The following SQLE variants were observed in gnomAD, a reference collection of about 807,000 sequenced individuals.
SQLE encodes squalene monooxygenase.
A neutral mutation model predicts 60.7 loss-of-function variants in SQLE; 29 were observed. The observed-to-expected ratio is 0.48, with a 90% CI of 0.36 to 0.65. SQLE has a LOEUF of 0.65. Among genes scored for constraint, SQLE ranks in the 30% least tolerant of loss-of-function variants. SQLE has a pLI of 0.00. For synonymous variants in SQLE, 237 were observed against 246.8 expected, an observed-to-expected ratio of 0.96 and a Z score of 0.37; for missense variants, 605 against 684.1, an observed-to-expected ratio of 0.88 and a Z score of 1.29.
In SQLE at chr8:124,998,976, C is replaced by T. The variant is rs192325996; in HGVS notation, c.-428C>T. ...CGAGGTGTTTCTGTGACCCTCCCTC[C>T]ACTCCCATTCCCTTCTGAAAGGGCA... On this transcript the variant is annotated 5_prime_UTR_variant, in exon 1 of 11. Coordinates refer to ENST00000265896, the MANE Select transcript of SQLE (RefSeq NM_003129.4). The T allele has an allele frequency of 9.8e-6, 3 of 305,598 alleles. No homozygotes were observed. In the Admixed American group the frequency reaches 1.5e-4, roughly 15 times the overall value. 18.9% of individuals were successfully genotyped at this position (305,598 alleles called of 1,614,324 possible). A position where few individuals can be genotyped will look rare whatever the true frequency, so the allele number is the denominator to read the frequency against.
Position 125,016,026 on chromosome 8 carries a change from A to G in SQLE, c.1205-2033A>G, listed in dbSNP as rs1014447901. On this transcript the variant is annotated intron_variant, in intron 7 of 10. Transcript: ENST00000265896. This position sits in a 1 kb window ranked among gnomAD's most constrained non-coding sequence, Gnocchi z 4.1. ...TCTTGTTGCTCTTAGGATCTTTTCT[A>G]TATCCTTGACCTTTGGGAGTTTGAT... 2.8e-4 allele frequency among the ~76,000 whole-genome samples: 43 copies of G among 152,118 alleles called. No individual in the cohort carries two copies. The highest frequency in any genetic ancestry group is 1.0e-3 in the African/African-American group (42 of 41,498).
chr8:125,018,175 C>G lies in SQLE; in HGVS notation c.1321C>G (p.Leu441Val). 5 of 1,606,516 alleles carry G rather than the reference C, an allele frequency of 3.1e-6. No individual in the cohort carries two copies. Among genetic ancestry groups the G allele is most frequent in the Non-Finnish European group, 4.2e-6 (5 of 1,178,210 alleles). The change falls in exon 8 of 11, where the codon CTT becomes GTT. Residue 441 changes from leucine to valine, a missense_variant. Leu to Val is a conservative substitution (Grantham distance 32). Transcript: ENST00000265896. ...WRKLLKGIPDLYDDAAIFEAK... is the reference protein window; with the variant it reads ...WRKLLKGIPDVYDDAAIFEAK... Reference sequence around the variant, plus strand: ...AAAACTGCTAAAGGGTATCCCTGACCTTTATGATGATGCAGCTATTTTCGA... The same window carrying G: ...AAAACTGCTAAAGGGTATCCCTGACGTTTATGATGATGCAGCTATTTTCGA...
In SQLE at chr8:125,021,561, C is replaced by G. The variant is rs1815205586; in HGVS notation, c.1533-192C>G. Among the ~76,000 whole-genome samples the G allele has an allele frequency of 2.7e-5, 4 of 149,928 alleles. No homozygotes were observed. In the South Asian group the frequency reaches 8.5e-4, roughly 32 times the overall value. Reference sequence around the variant, plus strand: ...AAAAAAGGGGGGTGGGGGGTTTGCTCCTGCCATCAAACTTAACATGCAGAC... The same window carrying G: ...AAAAAAGGGGGGTGGGGGGTTTGCTGCTGCCATCAAACTTAACATGCAGAC... On this transcript the variant is annotated intron_variant, in intron 10 of 10. Transcript: ENST00000265896.
chr8:125,020,672 T>C, intron 9 of SQLE, 112 bp from the exon 10 acceptor site: 1 of 675,998 alleles, frequency 1.5e-6, no homozygotes, highest in East Asian at 2.8e-5. Context: ...ACTAGATATT[T>C]AAAAATTATC....
rs1333928507 is a variant in SQLE at position 125,009,046 on chromosome 8, G to T, written c.898G>T (p.Val300Phe). 1.2e-6 allele frequency: 2 copies of T among 1,603,122 alleles called. No individual in the cohort carries two copies. The highest frequency in any genetic ancestry group is 1.1e-5 in the South Asian group (1 of 88,020). The change falls in exon 5 of 11, where the codon GTT becomes TTT. Residue 300 changes from valine to phenylalanine, a missense_variant. Val to Phe is a conservative substitution (Grantham distance 50, BLOSUM62 -1). Transcript: ENST00000265896. ...KFRKSLVSNK[V>F]SVSSHFVGFL... ...CAGGAAAAGCCTGGTCTCCAATAAA[G>T]TTTCTGTATCATCTCATTTTGTTGG...
In SQLE at chr8:125,009,092, A is replaced by AGG; in HGVS notation, c.936+9_936+10dup. 1 of 1,585,018 alleles carries AGG rather than the reference A, an allele frequency of 6.3e-7. No individual in the cohort carries two copies. The highest frequency in any genetic ancestry group is 1.2e-5 in the South Asian group (1 of 85,452). ...GTTGGCTTTCTTATGAAGGTACTGTAGGAGTGTGTTATTGTAATTTCAATA... is the reference window on the plus strand; with the variant it reads ...GTTGGCTTTCTTATGAAGGTACTGTAGGGGAGTGTGTTATTGTAATTTCAATA... On this transcript the variant is annotated intron_variant, in intron 5 of 10. Transcript: ENST00000265896.
rs535480036 is a variant in SQLE at position 125,008,153 on chromosome 8, G to A, written c.822+666G>A. Among the ~76,000 whole-genome samples, 266 of 152,150 alleles carry A rather than the reference G, an allele frequency of 1.7e-3. 2 individuals carry two copies. Among genetic ancestry groups the A allele is most frequent in the African/African-American group, 5.9e-3 (243 of 41,506 alleles). On this transcript the variant is annotated intron_variant, in intron 4 of 10. Transcript: ENST00000265896. ...TGCCCAGGCTGGAGTGCAATGGTGC[G>A]ATCTCGGCTCACTGCAACCTCCACC...
rs150533564 is a variant in SQLE, at chr8:125,006,200, G to A, written c.725+495G>A. ...AACACTAATTGAAGAAGTTTTAAGCGTGAGAACCCTCATGTGACTGACACA... is the reference window on the plus strand; with the variant it reads ...AACACTAATTGAAGAAGTTTTAAGCATGAGAACCCTCATGTGACTGACACA... On this transcript the variant is annotated intron_variant, in intron 3 of 10. Transcript: ENST00000265896. Among the ~76,000 whole-genome samples the A allele has an allele frequency of 1.8e-3, 278 of 152,234 alleles. 1 individual carries two copies. The highest frequency in any genetic ancestry group is 6.1e-3 in the African/African-American group (253 of 41,540).
intron 3 of SQLE, among the ~76,000 whole-genome samples, chr8:125,006,907 G>A (rs577192617): frequency 3.3e-5 from 5 of 152,076 alleles, no homozygotes; most frequent in Admixed American, 1.3e-4. Flanking sequence ...GTTTCACCAT[G>A]TTGGCCAGGA....
chr8:125,003,303 C>A lies in SQLE; in HGVS notation c.419C>A (p.Ala140Asp). The A allele has an allele frequency of 6.2e-7, 1 of 1,614,004 alleles. No homozygotes were observed. Among genetic ancestry groups the A allele is most frequent in the African/African-American group, 1.3e-5 (1 of 75,038 alleles). ...GAGVLGSALAAVLSRDGRKVT... is the reference protein window; with the variant it reads ...GAGVLGSALADVLSRDGRKVT... ...GGCGTGCTTGGCTCTGCTTTGGCAG[C>A]TGTGCTTTCCAGAGATGGAAGAAAG... The change falls in exon 2 of 11, where the codon GCT (alanine) becomes GAT (aspartate). Residue 140 changes from alanine (A) to aspartate (D), a missense_variant. By Grantham distance (126) the Ala-to-Asp change is moderately radical. Coordinates refer to ENST00000265896, the MANE Select transcript of SQLE (RefSeq NM_003129.4).
intron 7 of SQLE, among the ~76,000 whole-genome samples, chr8:125,015,336 T>A (rs1015913691): frequency 1.3e-5 from 2 of 152,226 alleles, no homozygotes; most frequent in East Asian, 1.9e-4. Context: ...GTTCTTTTTT[T>A]AAATCCATTC....
At chr8:125,017,262 G>C (rs776337438) in intron 7 of SQLE, among the ~76,000 whole-genome samples, 3 of 151,992 alleles carry the variant, frequency 2.0e-5, no homozygotes, top group Non-Finnish European at 4.4e-5. Flanking sequence ...CCAGGGCCTG[G>C]AGTTGGGAAA....
chr8:124,998,805 C>T lies in SQLE; in HGVS notation c.-599C>T, dbSNP rs897617731. ...GGCCATCTTTTGTTGGAGAAGGCGT[C>T]GGCGTTGGCGTTTTCCCGAGGTTGG... On this transcript the variant is annotated 5_prime_UTR_variant, in exon 1 of 11. Transcript: ENST00000265896. The T allele has an allele frequency of 4.3e-5, 21 of 492,040 alleles. No homozygotes were observed. In the Admixed American group the frequency reaches 8.6e-4, roughly 20 times the overall value. 30.5% of individuals were successfully genotyped at this position (492,040 alleles called of 1,614,324 possible).
intron 3 of SQLE, 141 bp from the exon 4 acceptor site, chr8:125,007,250 A>G (rs1814967114): frequency 4.4e-6 from 2 of 456,484 alleles, no homozygotes; most frequent in Non-Finnish European, 7.5e-6. Context: ...TAAATTAGAA[A>G]ATAAAAAACA....
intron 2 of SQLE, among the ~76,000 whole-genome samples, chr8:125,004,709 A>G (rs1300898248): frequency 1.3e-5 from 2 of 151,996 alleles, no homozygotes; most frequent in Non-Finnish European, 2.9e-5. Context: ...ATTTTATTAT[A>G]TATACATGTA....
intron 7 of SQLE, among the ~76,000 whole-genome samples, chr8:125,014,189 A>C (rs1815078397): frequency 6.6e-6 from 1 of 152,180 alleles, no homozygotes; most frequent in Non-Finnish European, 1.5e-5. Context: ...GTAGAATGTA[A>C]AAAACGTGAT....
chr8:125,018,208 TC>T lies in SQLE; in HGVS notation c.1347+8del. The T allele has an allele frequency of 6.2e-7, 1 of 1,607,594 alleles. No individual in the cohort carries two copies. The highest frequency in any genetic ancestry group is 8.5e-7 in the Non-Finnish European group (1 of 1,178,110). ...TGATGCAGCTATTTTCGAGGTAAGA[TC>T]AATTATTTTGACAAAAATGTCTCAA... On this transcript the variant is annotated splice_region_variant and intron_variant, in intron 8 of 10. Transcript: ENST00000265896.
Position 124,999,614 on chromosome 8 carries a change from T to G in SQLE, c.211T>G (p.Ser71Ala), listed in dbSNP as rs991802896. Residue 71 changes from serine to alanine, a missense_variant, in exon 1 of 11, where the codon TCA becomes GCA. Ser to Ala is a moderately conservative substitution (Grantham distance 99). Coordinates refer to ENST00000265896, the MANE Select transcript of SQLE (RefSeq NM_003129.4). ...GTTCGCCCTCTTCTCGGATATTCTC[T>G]CAGGCCTGCCTTTCATTGGCTTCTT... ...SQFALFSDIL[S>A]GLPFIGFFWA... is the part of the protein sequence containing the mutation. 6 of 1,613,460 alleles carry G rather than the reference T, an allele frequency of 3.7e-6. No individual in the cohort carries two copies. The highest frequency in any genetic ancestry group is 3.3e-4 in the Middle Eastern group (2 of 6,082).
At chr8:125,009,409 A>G (rs1815006191) in intron 6 of SQLE, 66 bp downstream of exon 6, 7 of 1,402,788 alleles carry the variant, frequency 5.0e-6, no homozygotes, top group Non-Finnish European at 6.7e-6. Context: ...TAAGGATGGC[A>G]GGTGAAACAT....
Sources: gnomAD v4.1 joint callset for allele counts (sites outside exome capture counted in the v4.1 genomes callset) on GRCh38, gnomAD v4.1.1 for gene constraint, Gnocchi (gnomAD v3.1) non-coding constraint, MANE v1.5 for transcripts, NCBI Gene and HGNC (gene_info 2026-07-23, HGNC 2026-07-21) for gene names.